The following CHRM3 variants were observed in gnomAD, a reference collection of about 807,000 sequenced individuals.
CHRM3 encodes cholinergic receptor muscarinic 3.
A neutral mutation model predicts 41.8 loss-of-function variants in CHRM3; 11 were observed. That is an observed-to-expected ratio of 0.26 (90% CI 0.17 to 0.44). CHRM3 has a LOEUF of 0.44. Among genes scored for constraint, CHRM3 ranks in the 20% least tolerant of loss-of-function variants. The probability of loss-of-function intolerance (pLI) is 1.00; values close to 1 mark genes in which losing one functional copy is unlikely to be tolerated. For missense variants in CHRM3, 571 were observed against 745.4 expected, an observed-to-expected ratio of 0.77 and a Z score of 2.72; for synonymous variants, 297 against 301.4, an observed-to-expected ratio of 0.99 and a Z score of 0.15.
At chr1:239,620,605 T>C (rs774705858) in intron 3 of CHRM3, among the ~76,000 whole-genome samples, 8 of 152,094 alleles carry the variant, frequency 5.3e-5, no homozygotes, top group Non-Finnish European at 1.0e-4. Context: ...TGTACCAAAA[T>C]TTAAGCTATG....
At chr1:239,830,575 G>A (rs1190123086) in intron 6 of CHRM3, among the ~76,000 whole-genome samples, 12 of 152,280 alleles carry the variant, frequency 7.9e-5, no homozygotes, top group South Asian at 4.1e-4. Context: ...GTGGTGGCGC[G>A]TGCCTGTAGT....
At chr1:239,463,405 C>T (rs1272877276) in intron 1 of CHRM3, among the ~76,000 whole-genome samples, 1 of 152,110 alleles carries the variant, frequency 6.6e-6, no homozygotes, top group Non-Finnish European at 1.5e-5. Flanking sequence ...CCTTTTCCCC[C>T]AGGAACTGTG....
chr1:239,735,714 T>C (rs1664338545), intron 5 of CHRM3, among the ~76,000 whole-genome samples: 1 of 152,180 alleles, frequency 6.6e-6, no homozygotes, highest in African/African-American at 2.4e-5. Flanking sequence ...CAATTAGTTT[T>C]CTTCTTTTGT....
intron 5 of CHRM3, among the ~76,000 whole-genome samples, chr1:239,800,184 A>G (rs1670100092): frequency 6.6e-6 from 1 of 152,132 alleles, no homozygotes; most frequent in South Asian, 2.1e-4. Context: ...TAAGCTCCCC[A>G]GGTTGAGATC....
chr1:239,434,042 G>A (rs1663039799), intron 1 of CHRM3, among the ~76,000 whole-genome samples: 1 of 152,158 alleles, frequency 6.6e-6, no homozygotes, highest in Admixed American at 6.5e-5. Context: ...TCTTCAGGCT[G>A]TTGTCCATAG....
In CHRM3 at chr1:239,863,254, C is replaced by A. The variant is rs186635093; in HGVS notation, c.-20+35876C>A. Among the ~76,000 whole-genome samples, 222 of 152,290 alleles carry A rather than the reference C, an allele frequency of 1.5e-3. 1 individual carries two copies. Among genetic ancestry groups the A allele is most frequent in the African/African-American group, 5.0e-3 (209 of 41,550 alleles). ...GCCTTGCTACCATAAAGGTAGCAAC[C>A]GCCTTCAAAGGATGGGACAATGGTT... On this transcript the variant is annotated intron_variant, in intron 6 of 6. Transcript: ENST00000676153.
Position 239,908,418 on chromosome 1 carries a change from A to G in CHRM3, c.967A>G (p.Ser323Gly), listed in dbSNP as rs1286112673. 6.2e-7 allele frequency: 1 copy of G among 1,614,054 alleles called. No individual in the cohort carries two copies. The highest frequency in any genetic ancestry group is 8.5e-7 in the Non-Finnish European group (1 of 1,180,008). ...GTTCACAACCAAGAGCTGGAAACCC[A>G]GCTCCGAGCAGATGGACCAAGACCA... ...FWFTTKSWKPSSEQMDQDHSS... is the reference protein window; with the variant it reads ...FWFTTKSWKPGSEQMDQDHSS... Residue 323 changes from serine (S) to glycine (G), a missense_variant, in exon 7 of 7, where the codon AGC (serine) becomes GGC (glycine). By Grantham distance (56) the Ser-to-Gly change is moderately conservative. Around this residue, in one of 5 missense-constraint regions of CHRM3, gnomAD observed 239 missense variants for 239.6 expected, o/e 1.00. Coordinates refer to ENST00000676153, the MANE Select transcript of CHRM3 (RefSeq NM_001375978.1). The surrounding 1 kb of genome is among the most constrained non-coding windows in gnomAD (Gnocchi z 7.2).
chr1:239,834,324 T>G (rs926492268), intron 6 of CHRM3, among the ~76,000 whole-genome samples: 1 of 149,948 alleles, frequency 6.7e-6, no homozygotes, highest in Admixed American at 6.6e-5. Context: ...TTTTTTTTTT[T>G]TTTTTTGAGA....
intron 6 of CHRM3, among the ~76,000 whole-genome samples, chr1:239,852,247 A>G (rs952524173): frequency 9.2e-5 from 14 of 152,200 alleles, no homozygotes; most frequent in East Asian, 1.9e-4. Flanking sequence ...TGTTTGTTTC[A>G]TAAGGTAGAA....
intron 4 of CHRM3, among the ~76,000 whole-genome samples, chr1:239,636,533 A>G (rs896499861): frequency 8.5e-5 from 13 of 152,230 alleles, no homozygotes; most frequent in Non-Finnish European, 1.5e-4. Context: ...TGGTTACATT[A>G]CAGCAATTCT....
At chr1:239,717,011 A>C (rs762190534) in intron 5 of CHRM3, among the ~76,000 whole-genome samples, 1 of 151,770 alleles carries the variant, frequency 6.6e-6, no homozygotes, top group African/African-American at 2.4e-5. Flanking sequence ...AATGTCCTCA[A>C]TGCCAGAAAA....
At chr1:239,547,568 A>G (rs897476518) in intron 3 of CHRM3, among the ~76,000 whole-genome samples, 6 of 152,232 alleles carry the variant, frequency 3.9e-5, no homozygotes, top group Non-Finnish European at 8.8e-5. Context: ...TAAAAGGGAA[A>G]TGATTATGAT....
chr1:239,797,905 T>C (rs1669919819), intron 5 of CHRM3, among the ~76,000 whole-genome samples: 1 of 152,050 alleles, frequency 6.6e-6, no homozygotes, highest in Non-Finnish European at 1.5e-5. Flanking sequence ...ACAAATTAGC[T>C]GGGCCTAGTG....
intron 4 of CHRM3, among the ~76,000 whole-genome samples, chr1:239,648,637 G>C (rs1671956170): frequency 6.6e-6 from 1 of 152,164 alleles, no homozygotes; most frequent in African/African-American, 2.4e-5. Flanking sequence ...GATAAGCTAA[G>C]CTTTGTTTCA....
In CHRM3 at chr1:239,700,666, T is replaced by C. The variant is rs368300475; in HGVS notation, c.-147+22378T>C. Among the ~76,000 whole-genome samples, 14 of 152,314 alleles carry C rather than the reference T, an allele frequency of 9.2e-5. No homozygotes were observed. The East Asian group carries it at 2.3e-3, about 25-fold the overall frequency. ...GGCATATTCCTATTAGAGACAGTCA[T>C]GCACCTGTAGCCCGCAGACTCGTTT... On this transcript the variant is annotated intron_variant, in intron 5 of 6. Transcript: ENST00000676153.
At chr1:239,415,090 A>G (rs923295987) in intron 1 of CHRM3, among the ~76,000 whole-genome samples, 4 of 152,230 alleles carry the variant, frequency 2.6e-5, no homozygotes, top group African/African-American at 9.6e-5. Flanking sequence ...GGAGTAAAGT[A>G]ACAAACAAAT....
In CHRM3 at chr1:239,476,264, G is replaced by A. The variant is rs573604225; in HGVS notation, c.-520-16445G>A. Among the ~76,000 whole-genome samples the A allele has an allele frequency of 5.5e-4, 83 of 152,128 alleles. 1 individual carries two copies. The highest frequency in any genetic ancestry group is 3.1e-3 in the Admixed American group (47 of 15,276). ...GCAGATCACCTGAGTTCAGGAGTTC[G>A]AAACCAGTCTTGCCAACGTGGCGAA... On this transcript the variant is annotated intron_variant, in intron 1 of 6. Coordinates refer to ENST00000676153, the MANE Select transcript of CHRM3 (RefSeq NM_001375978.1).
At chr1:239,901,459 T>C (rs1244719136) in intron 6 of CHRM3, among the ~76,000 whole-genome samples, 1 of 152,164 alleles carries the variant, frequency 6.6e-6, no homozygotes, top group East Asian at 1.9e-4. Context: ...TGCATGTAAA[T>C]CTTTCTATCC....
intron 5 of CHRM3, among the ~76,000 whole-genome samples, chr1:239,750,326 C>G (rs1017277267): frequency 2.6e-5 from 4 of 152,164 alleles, no homozygotes; most frequent in Admixed American, 1.3e-4. Context: ...AAAAAACATT[C>G]AGGACCTATG....
Sources: gnomAD v4.1 joint callset for allele counts (sites outside exome capture counted in the v4.1 genomes callset) on GRCh38, gnomAD v4.1.1 for gene constraint, gnomAD v4.1.1 regional missense constraint, Gnocchi (gnomAD v3.1) non-coding constraint, MANE v1.5 for transcripts, NCBI Gene and HGNC (gene_info 2026-07-23, HGNC 2026-07-21) for gene names.